The following RUFY1 variants were observed in gnomAD, a reference collection of about 807,000 sequenced individuals.
RUFY1 encodes RUN and FYVE domain-containing protein 1.
A neutral mutation model predicts 94.6 loss-of-function variants in RUFY1; 54 were observed. That is an observed-to-expected ratio of 0.57 (90% confidence interval 0.46 to 0.72). The LOEUF (loss-of-function observed/expected upper bound fraction) is 0.72, where lower values mean the gene tolerates loss of function less well. Among genes scored for constraint, RUFY1 ranks in the 30% least tolerant of loss-of-function variants. The pLI, the probability that RUFY1 is intolerant of heterozygous loss-of-function variation, is 0.00. For synonymous variants in RUFY1, 396 were observed against 347.3 expected, an observed-to-expected ratio of 1.14 and a Z score of -1.56; for missense variants, 883 against 883.9, an observed-to-expected ratio of 1.00 and a Z score of 0.01.
intron 3 of RUFY1, among the ~76,000 whole-genome samples, chr5:179,564,278 C>T (rs1037988937): frequency 3.3e-5 from 5 of 151,756 alleles, no homozygotes; most frequent in Non-Finnish European, 7.4e-5. Flanking sequence ...TGCCACCAGG[C>T]CCAGGTAATT....
At chr5:179,561,618 G>C (rs1287030269) in intron 2 of RUFY1, among the ~76,000 whole-genome samples, 1 of 145,958 alleles carries the variant, frequency 6.9e-6, no homozygotes, top group East Asian at 2.0e-4. Context: ...TGCCATCAAG[G>C]AAAAAAAGGG....
intron 12 of RUFY1, chr5:179,596,316 C>G (rs1765633622): frequency 1.7e-6 from 1 of 582,440 alleles, no homozygotes; most frequent in Non-Finnish European, 3.1e-6. Flanking sequence ...AGATTACATT[C>G]TCAAAAAGCC....
chr5:179,560,902 A>G (rs1444300872), intron 2 of RUFY1, among the ~76,000 whole-genome samples: 1 of 151,812 alleles, frequency 6.6e-6, no homozygotes, highest in Non-Finnish European at 1.5e-5. Context: ...CATTCAACAC[A>G]TATTCAATAT....
chr5:179,575,699 C>T (rs555088529), intron 5 of RUFY1, among the ~76,000 whole-genome samples: 1 of 152,162 alleles, frequency 6.6e-6, no homozygotes, highest in Admixed American at 6.5e-5. Flanking sequence ...TTACACATAG[C>T]CTTGGTTGCA....
At chr5:179,570,928 C>G (rs1406920853) in intron 5 of RUFY1, among the ~76,000 whole-genome samples, 1 of 152,144 alleles carries the variant, frequency 6.6e-6, no homozygotes, top group East Asian at 1.9e-4. Flanking sequence ...GGTATACACC[C>G]TTCTAGCAGA....
chr5:179,581,021 C>G lies in RUFY1; in HGVS notation c.956+9C>G. 1 of 1,579,792 alleles carries G rather than the reference C, an allele frequency of 6.3e-7. No homozygotes were observed. The highest frequency in any genetic ancestry group is 8.7e-7 in the Non-Finnish European group (1 of 1,154,438). ...CTTAACCGGCACTTGAGGTAAGACTCCTTTTTTTTTCAATGTGACAGTTAC... is the reference window on the plus strand; with the variant it reads ...CTTAACCGGCACTTGAGGTAAGACTGCTTTTTTTTTCAATGTGACAGTTAC... On this transcript the variant is annotated intron_variant, in intron 7 of 17. Transcript: ENST00000319449.
At chr5:179,582,210 AC>A (rs1248605258) in intron 7 of RUFY1, among the ~76,000 whole-genome samples, 1 of 152,020 alleles carries the variant, frequency 6.6e-6, no homozygotes, top group Non-Finnish European at 1.5e-5. Context: ...AATAAACTCC[AC>A]TTGATCATAA....
chr5:179,601,994 C>T lies in RUFY1; in HGVS notation c.1856+8C>T. On this transcript the variant is annotated splice_region_variant and intron_variant, in intron 15 of 17. Transcript: ENST00000319449. ...GGGCCTGCACCTCAGCCAGTAAGAACCCCACTCCCCTTGTCTGCCACTGCA... is the reference window on the plus strand; with the variant it reads ...GGGCCTGCACCTCAGCCAGTAAGAATCCCACTCCCCTTGTCTGCCACTGCA... The T allele has an allele frequency of 1.2e-6, 2 of 1,606,586 alleles. No individual in the cohort carries two copies. The highest frequency in any genetic ancestry group is 1.1e-5 in the South Asian group (1 of 90,918).
At chr5:179,579,644 C>A (rs562488504) in intron 6 of RUFY1, among the ~76,000 whole-genome samples, 3 of 76,578 alleles carry the variant, frequency 3.9e-5, no homozygotes, top group African/African-American at 1.3e-4. Context: ...ACAAAATATA[C>A]CCTTTTCTTC....
In RUFY1 at chr5:179,589,576, C is replaced by T. The variant is rs200257884; in HGVS notation, c.1057C>T (p.Leu353Phe). 7.4e-5 allele frequency: 119 copies of T among 1,614,028 alleles called. No homozygotes were observed. The highest frequency in any genetic ancestry group is 1.3e-5 in the African/African-American group (1 of 74,918). ...AGCTGCAACAGACCGAATTTGCTCA[C>T]TTCAAGAAGAACAGCAGCAGTTAAG... is the stretch of plus-strand genomic sequence containing the variant. ...LSAATDRICS[L>F]QEEQQQLREQ... The change falls in exon 9 of 18, where the codon CTT becomes TTT. Residue 353 changes from leucine (L) to phenylalanine (F), a missense_variant. Physicochemically the swap from Leu to Phe is conservative, Grantham distance 22. Transcript: ENST00000319449.
chr5:179,588,239 T>G (rs1399195949), intron 8 of RUFY1, among the ~76,000 whole-genome samples: 1 of 152,100 alleles, frequency 6.6e-6, no homozygotes, highest in Non-Finnish European at 1.5e-5. Context: ...GTGTAGACAC[T>G]GTTGACAGAG....
At chr5:179,608,298 A>G (rs1767325275) in intron 17 of RUFY1, 1 of 985,632 alleles carries the variant, frequency 1.0e-6, no homozygotes, top group Admixed American at 6.1e-5. Context: ...AGCTCTGTGG[A>G]AGAGAGGAAG....
intron 6 of RUFY1, 106 bp downstream of exon 6, chr5:179,577,242 G>A: frequency 1.4e-6 from 1 of 696,324 alleles, no homozygotes. Flanking sequence ...CACAGTCTTG[G>A]CTCACTGCAA....
Position 179,550,713 on chromosome 5 carries a change from C to T in RUFY1, c.144C>T (p.Gly48=). 2.7e-6 allele frequency: 4 copies of T among 1,487,096 alleles called. No individual in the cohort carries two copies. Among genetic ancestry groups the T allele is most frequent in the Non-Finnish European group, 3.6e-6 (4 of 1,123,546 alleles). 92.1% of individuals were successfully genotyped at this position (1,487,096 alleles called of 1,614,324 possible). Residue 48 remains glycine, a synonymous_variant, in exon 1 of 18, where the codon GGC becomes GGT. Coordinates refer to ENST00000319449, the MANE Select transcript of RUFY1 (RefSeq NM_025158.5). ...IVDRSQLPGP[G]DLRSATRPRA... is the part of the protein sequence containing the mutation. ...ACCGAAGCCAGCTGCCCGGCCCAGG[C>T]GACCTGCGGAGCGCAACGAGGCCGC...
chr5:179,609,676 A>AC lies in RUFY1; in HGVS notation c.*157_*158insC. ...CAGAAGACAGCGTGCCGGAACCGGC[A>AC]GCTCTCACCTTTCTGTGACTTGTTC... On this transcript the variant is annotated 3_prime_UTR_variant, in exon 18 of 18. Coordinates refer to ENST00000319449, the MANE Select transcript of RUFY1 (RefSeq NM_025158.5). 1 of 652,126 alleles carries AC rather than the reference A, an allele frequency of 1.5e-6. No homozygotes were observed. The highest frequency in any genetic ancestry group is 2.4e-6 in the Non-Finnish European group (1 of 408,212). The allele number at this position is 652,126 out of a possible 1,614,324, so 40.4% of individuals were successfully genotyped here. A position where few individuals can be genotyped will look rare whatever the true frequency, so the allele number is the denominator to read the frequency against.
intron 9 of RUFY1, among the ~76,000 whole-genome samples, chr5:179,591,320 G>T (rs1209332949): frequency 6.6e-6 from 1 of 151,980 alleles, no homozygotes; most frequent in African/African-American, 2.4e-5. Flanking sequence ...AAGTAGCTGG[G>T]ACTACAGGCG....
At chr5:179,558,622 C>T (rs1762229284) in intron 1 of RUFY1, among the ~76,000 whole-genome samples, 1 of 151,816 alleles carries the variant, frequency 6.6e-6, no homozygotes, top group Admixed American at 6.6e-5. Context: ...TTACTTAAGC[C>T]ACTTTTAACC....
chr5:179,556,890 C>T (rs963486093), intron 1 of RUFY1, among the ~76,000 whole-genome samples: 2 of 152,110 alleles, frequency 1.3e-5, no homozygotes, highest in East Asian at 1.9e-4. Flanking sequence ...ACTGCTAAAG[C>T]GTGATAGAAT....
rs73809479 is a variant in RUFY1 at position 179,586,306 on chromosome 5, C to T, written c.1026+441C>T. 1,917 of 458,694 alleles carry T rather than the reference C, an allele frequency of 4.2e-3. 24 individuals are homozygous for T. Among genetic ancestry groups the T allele is most frequent in the African/African-American group, 0.03 (1,500 of 50,246 alleles). 28.4% of individuals were successfully genotyped at this position (458,694 alleles called of 1,614,324 possible). A position where few individuals can be genotyped will look rare whatever the true frequency, so the allele number is the denominator to read the frequency against. The stretch of plus-strand genomic sequence containing the variant: ...GCATGCAACCAGCCTCCCCACAGTG[C>T]GGTCTTTCTCTGCTTTCTCACTAGG... On this transcript the variant is annotated intron_variant, in intron 8 of 17. Coordinates refer to ENST00000319449, the MANE Select transcript of RUFY1 (RefSeq NM_025158.5).
Sources: gnomAD v4.1 joint callset for allele counts (sites outside exome capture counted in the v4.1 genomes callset) on GRCh38, gnomAD v4.1.1 for gene constraint, MANE v1.5 for transcripts, NCBI Gene and HGNC (gene_info 2026-07-23, HGNC 2026-07-21) for gene names.